Variants in PTPRK observed in about 807,000 individuals in gnomAD.
PTPRK encodes the protein receptor-type tyrosine-protein phosphatase kappa.
Under a neutral mutation model 178.0 loss-of-function variants are expected in PTPRK, and 75 were observed. The ratio of observed to expected loss-of-function variants is 0.42; its 90% CI spans 0.35 to 0.51. PTPRK has a LOEUF of 0.51. Among genes scored for constraint, PTPRK ranks in the 20% least tolerant of loss-of-function variants. The probability of loss-of-function intolerance (pLI) is 0.02; values close to 1 mark genes in which losing one functional copy is unlikely to be tolerated. For missense variants in PTPRK, 1,441 were observed against 1,797.8 expected, an observed-to-expected ratio of 0.80 and a Z score of 3.59; for synonymous variants, 637 against 620.6, an observed-to-expected ratio of 1.03 and a Z score of -0.39.
At chr6:128,010,187 G>C (rs1221438713) in intron 13 of PTPRK, among the ~76,000 whole-genome samples, 1 of 151,232 alleles carries the variant, frequency 6.6e-6, no homozygotes, top group African/African-American at 2.4e-5. Flanking sequence ...TATATCTTCT[G>C]TCTTTTAACA....
chr6:128,011,995 A>G (rs1779113671), intron 13 of PTPRK, among the ~76,000 whole-genome samples: 1 of 151,184 alleles, frequency 6.6e-6, no homozygotes. Context: ...TATTTATTTG[A>G]GTTGGGTAAG....
chr6:128,325,327 A>T (rs756683443), intron 2 of PTPRK, among the ~76,000 whole-genome samples: 1 of 152,172 alleles, frequency 6.6e-6, no homozygotes, highest in Non-Finnish European at 1.5e-5. Flanking sequence ...GACAAATGGG[A>T]TCTAATTAAA....
At chr6:128,115,510 A>G (rs1316293369) in intron 7 of PTPRK, among the ~76,000 whole-genome samples, 2 of 151,710 alleles carry the variant, frequency 1.3e-5, no homozygotes, top group Non-Finnish European at 2.9e-5. Context: ...AGCTGATCAT[A>G]AAAATAAAAT....
intron 7 of PTPRK, among the ~76,000 whole-genome samples, chr6:128,093,621 A>C (rs1236365728): frequency 3.4e-5 from 5 of 146,062 alleles, no homozygotes; most frequent in Non-Finnish European, 4.5e-5. Context: ...AAAAAAAAAA[A>C]AACGAAAAAA....
At chr6:128,486,644 A>T (rs1346442589) in intron 1 of PTPRK, among the ~76,000 whole-genome samples, 7 of 152,076 alleles carry the variant, frequency 4.6e-5, no homozygotes, top group African/African-American at 1.7e-4. Context: ...TCTACAAAAA[A>T]ATACAAAAAT....
At chr6:127,991,581 GTTTT>G (rs55842054) in intron 19 of PTPRK, among the ~76,000 whole-genome samples, 190 bp from the exon 20 acceptor site, 1,609 of 135,488 alleles carry the variant, frequency 0.012, 15 homozygotes, top group Non-Finnish European at 0.018. Flanking sequence ...GCATATACAA[GTTTT>G]TTTTTTTTTT....
chr6:128,488,925 A>G (rs1853365853), intron 1 of PTPRK, among the ~76,000 whole-genome samples: 1 of 147,832 alleles, frequency 6.8e-6, no homozygotes, highest in South Asian at 2.1e-4. Flanking sequence ...ACTCACACAC[A>G]AAAAAAAAAT....
At chr6:128,401,918 C>A (rs1295828938) in intron 1 of PTPRK, among the ~76,000 whole-genome samples, 1 of 152,136 alleles carries the variant, frequency 6.6e-6, no homozygotes, top group African/African-American at 2.4e-5. Flanking sequence ...AGCTGTGATA[C>A]ATAACTTTGC....
At chr6:128,313,015 T>C (rs1036899896) in intron 3 of PTPRK, among the ~76,000 whole-genome samples, 4 of 152,170 alleles carry the variant, frequency 2.6e-5, no homozygotes, top group African/African-American at 9.7e-5. Flanking sequence ...ATTCTAACTT[T>C]ATTCTTGTAC....
intron 7 of PTPRK, among the ~76,000 whole-genome samples, chr6:128,163,340 T>C (rs1009834701): frequency 1.3e-5 from 2 of 151,146 alleles, no homozygotes; most frequent in African/African-American, 2.4e-5. Context: ...TATTTTAATA[T>C]AAATTTATAT....
At chr6:128,271,193 C>T (rs951470755) in intron 3 of PTPRK, among the ~76,000 whole-genome samples, 7 of 152,082 alleles carry the variant, frequency 4.6e-5, no homozygotes, top group African/African-American at 1.7e-4. Flanking sequence ...GTAGTCAATC[C>T]AAGGTAACTG....
rs13219828 is a variant in PTPRK, at chr6:128,089,976, T to C, written c.1179A>G (p.Pro393=). ...RTKCAEPMRT[P]KTLKIAEIQA... ...GTATTTCAGCAATCTTTAATGTCTTTGGGGTTCTCATAGGTTCTGAAAAAT... is the reference window on the plus strand; with the variant it reads ...GTATTTCAGCAATCTTTAATGTCTTCGGGGTTCTCATAGGTTCTGAAAAAT... The change falls in exon 8 of 30, where the codon CCA becomes CCG. Residue 393 remains proline, a synonymous_variant. Coordinates refer to ENST00000368226, the MANE Select transcript of PTPRK (RefSeq NM_002844.4). The C allele has an allele frequency of 6.2e-6, 10 of 1,605,654 alleles. No homozygotes were observed. Among genetic ancestry groups the C allele is most frequent in the Middle Eastern group, 1.6e-4 (1 of 6,070 alleles).
chr6:128,288,587 C>G (rs1393643006), intron 3 of PTPRK, among the ~76,000 whole-genome samples: 1 of 151,984 alleles, frequency 6.6e-6, no homozygotes, highest in African/African-American at 2.4e-5. Flanking sequence ...AGAAATCAAA[C>G]CAAAGATTTT....
intron 13 of PTPRK, among the ~76,000 whole-genome samples, chr6:128,064,548 G>T (rs768000346): frequency 1.1e-4 from 17 of 152,116 alleles, no homozygotes; most frequent in Non-Finnish European, 2.4e-4. Flanking sequence ...AGGTTTTCTA[G>T]ATCTTTCCTG....
rs555861891 is a variant in PTPRK at position 128,425,135 on chromosome 6, T to A, written c.101-27447A>T. ...GCTCTGTTACCAGGCTGGAGTGCAG[T>A]GGCGTGATCTCGGCTCACTGCAACC... On this transcript the variant is annotated intron_variant, in intron 1 of 29. Transcript: ENST00000368226. Among the ~76,000 whole-genome samples, 10 of 150,582 alleles carry A rather than the reference T, an allele frequency of 6.6e-5. No homozygotes were observed. In the East Asian group the frequency reaches 2.0e-3, roughly 29 times the overall value.
chr6:128,508,507 ATTTC>A (rs1856695791), intron 1 of PTPRK, among the ~76,000 whole-genome samples: 1 of 152,226 alleles, frequency 6.6e-6, no homozygotes, highest in South Asian at 2.1e-4. Flanking sequence ...ACACATTTAC[ATTTC>A]TTTAATAACT....
chr6:128,277,082 A>C (rs1322098736), intron 3 of PTPRK, among the ~76,000 whole-genome samples: 13 of 151,406 alleles, frequency 8.6e-5, no homozygotes, highest in African/African-American at 3.2e-4. Context: ...TGAAGAATCT[A>C]CTCCTTATAG....
intron 1 of PTPRK, among the ~76,000 whole-genome samples, chr6:128,479,241 G>T (rs1205706070): frequency 6.6e-6 from 1 of 151,914 alleles, no homozygotes; most frequent in Non-Finnish European, 1.5e-5. Flanking sequence ...CAAAGTTATT[G>T]CAACTAATTC....
intron 3 of PTPRK, among the ~76,000 whole-genome samples, chr6:128,284,879 T>G (rs1307490915): frequency 6.6e-6 from 1 of 152,198 alleles, no homozygotes; most frequent in Non-Finnish European, 1.5e-5. Context: ...CTTTAAAAAC[T>G]TTAATTTGTT....
Sources: allele counts gnomAD v4.1 joint callset (sites outside exome capture counted in the v4.1 genomes callset), GRCh38; gene constraint gnomAD v4.1.1; transcripts MANE v1.5; gene names NCBI Gene and HGNC (gene_info 2026-07-23, HGNC 2026-07-21).